The following SUMO3 variants were observed in gnomAD, a reference collection of about 807,000 sequenced individuals.
SUMO3 encodes small ubiquitin-related modifier 3.
SUMO3 carries 2 observed loss-of-function variants against 11.1 expected under a neutral mutation model. That is an observed-to-expected ratio of 0.18 (90% confidence interval 0.07 to 0.57). SUMO3 has a LOEUF of 0.57. SUMO3 is among the 20% of genes least tolerant of loss of function. The probability of loss-of-function intolerance (pLI) is 0.92; values close to 1 mark genes in which losing one functional copy is unlikely to be tolerated. For synonymous variants in SUMO3, 56 were observed against 53.5 expected (o/e 1.05, Z -0.20); for missense variants, 70 against 132.8 (o/e 0.53, Z 2.32).
At chr21:44,808,089 G>A (rs1402610550) in intron 3 of SUMO3, among the ~76,000 whole-genome samples, 4 of 152,118 alleles carry the variant, frequency 2.6e-5, no homozygotes, top group Non-Finnish European at 5.9e-5. Flanking sequence ...CATTGAAAGG[G>A]AGAAAAAGCA....
chr21:44,806,584 G>A lies in SUMO3; in HGVS notation c.*367C>T, dbSNP rs997020810. On this transcript the variant is annotated 3_prime_UTR_variant, in exon 4 of 4. Transcript: ENST00000332859. ...TCTCTATGTGACTGGAGTGAGCAGG[G>A]GAGAGGCAACCAACTCAGGAGTCAG... 1 of 278,842 alleles carries A rather than the reference G, an allele frequency of 3.6e-6. No individual in the cohort carries two copies. The highest frequency in any genetic ancestry group is 1.1e-4 in the East Asian group (1 of 9,260). The allele number at this position is 278,842 out of a possible 1,614,324, so 17.3% of individuals were successfully genotyped here.
rs1269106729 is a variant in SUMO3, at chr21:44,811,848, T to G, written c.150+2128A>C. Reference sequence around the variant, plus strand: ...ACAGAGTCTGGAGAAGGATACAAATTATCAGAGAACTAACATAAGGCATAT... The same window carrying G: ...ACAGAGTCTGGAGAAGGATACAAATGATCAGAGAACTAACATAAGGCATAT... On this transcript the variant is annotated intron_variant, in intron 2 of 3. Transcript: ENST00000332859. The surrounding 1 kb of genome is among the most constrained non-coding windows in gnomAD (Gnocchi z 5.0). Among the ~76,000 whole-genome samples the G allele has an allele frequency of 5.3e-5, 8 of 151,998 alleles. No individual in the cohort carries two copies. The highest frequency in any genetic ancestry group is 1.7e-4 in the African/African-American group (7 of 41,366).
chr21:44,807,117 C>T lies in SUMO3; in HGVS notation c.223-77G>A. ...TTTCATCAGAGAGTGGGAAGATCCT[C>T]ACTGGCATGAGTGTTCCCTGACACT... On this transcript the variant is annotated intron_variant, in intron 3 of 3. Coordinates refer to ENST00000332859, the MANE Select transcript of SUMO3 (RefSeq NM_006936.3). The surrounding 1 kb of genome is among the most constrained non-coding windows in gnomAD (Gnocchi z 4.3). 2 of 1,557,112 alleles carry T rather than the reference C, an allele frequency of 1.3e-6. No individual in the cohort carries two copies. Among genetic ancestry groups the T allele is most frequent in the South Asian group, 1.2e-5 (1 of 85,822 alleles).
At chr21:44,814,185 G>T in intron 1 of SUMO3, 81 bp from the exon 2 acceptor site, 15 of 1,561,164 alleles carry the variant, frequency 9.6e-6, no homozygotes, top group African/African-American at 1.4e-5. Flanking sequence ...TTAGGTAATT[G>T]TTGGCTTTTT....
intron 1 of SUMO3, among the ~76,000 whole-genome samples, chr21:44,816,911 G>C (rs114523049): frequency 1.5e-4 from 20 of 131,336 alleles, no homozygotes; most frequent in Middle Eastern, 4.7e-3. Context: ...GATGGGGAGG[G>C]GTGGGCGCAC....
At chr21:44,815,720 G>A (rs1396202749) in intron 1 of SUMO3, among the ~76,000 whole-genome samples, 1 of 151,864 alleles carries the variant, frequency 6.6e-6, no homozygotes, top group Non-Finnish European at 1.5e-5. Flanking sequence ...GGTAATGGCT[G>A]CAGCCCCGGG....
Position 44,807,858 on chromosome 21 carries a change from G to A in SUMO3, c.223-818C>T, listed in dbSNP as rs369793646. On this transcript the variant is annotated intron_variant, in intron 3 of 3. Transcript: ENST00000332859. The surrounding 1 kb of genome is among the most constrained non-coding windows in gnomAD (Gnocchi z 4.3). ...CCCAGTCAAGCCCCAGAGACTCCAC[G>A]AGGCCCTCCCTGCTCAGCTGCTCTC... is the stretch of plus-strand genomic sequence containing the variant. Among the ~76,000 whole-genome samples, 1 of 152,128 alleles carries A rather than the reference G, an allele frequency of 6.6e-6. No homozygotes were observed. Among genetic ancestry groups the A allele is most frequent in the Non-Finnish European group, 1.5e-5 (1 of 68,014 alleles).
chr21:44,817,791 C>T (rs1322695157), intron 1 of SUMO3, among the ~76,000 whole-genome samples, 157 bp downstream of exon 1: 1 of 19,930 alleles, frequency 5.0e-5, no homozygotes, highest in Non-Finnish European at 1.0e-4. Context: ...GGGGGCGCAC[C>T]TTGGGCGGGC....
At position 44,806,796 on chromosome 21, in the gene SUMO3, T is replaced by C. The variant is rs1569306708; in HGVS notation, c.*155A>G. 1.7e-5 allele frequency: 24 copies of C among 1,431,800 alleles called. No individual in the cohort carries two copies. The highest frequency in any genetic ancestry group is 3.0e-5 in the South Asian group (2 of 66,440). The allele number at this position is 1,431,800 out of a possible 1,614,324, so 88.7% of individuals were successfully genotyped here. ...AGTTACAGATTCATCCCTGCAGATA[T>C]AGTTTTGAGTTGCACTTGAAGTACA... On this transcript the variant is annotated 3_prime_UTR_variant, in exon 4 of 4. Coordinates refer to ENST00000332859, the MANE Select transcript of SUMO3 (RefSeq NM_006936.3).
chr21:44,806,889 G>C lies in SUMO3; in HGVS notation c.*62C>G. On this transcript the variant is annotated 3_prime_UTR_variant, in exon 4 of 4. Transcript: ENST00000332859. ...CGCAGACACCTTTGTGGTCGGCATG[G>C]TCACGTGCTCACCATTCAACAGCAA... The C allele has an allele frequency of 6.2e-7, 1 of 1,604,842 alleles. No individual in the cohort carries two copies. The highest frequency in any genetic ancestry group is 2.2e-5 in the East Asian group (1 of 44,656).
rs962762736 is a variant in SUMO3, at chr21:44,815,332, G to C, written c.22-1228C>G. ...GCATGGTGCTCTGTCAAGGGAGCTA[G>C]AGTGGCCTGCAAGGGGCCTTGGCAG... is the stretch of plus-strand genomic sequence containing the variant. On this transcript the variant is annotated intron_variant, in intron 1 of 3. Transcript: ENST00000332859. Among the ~76,000 whole-genome samples, 54 of 152,178 alleles carry C rather than the reference G, an allele frequency of 3.5e-4. 1 individual carries two copies. The highest frequency in any genetic ancestry group is 3.5e-3 in the Admixed American group (53 of 15,292).
Position 44,811,424 on chromosome 21 carries a change from G to A in SUMO3, c.151-2306C>T, listed in dbSNP as rs1311453468. Among the ~76,000 whole-genome samples, 1 of 151,980 alleles carries A rather than the reference G, an allele frequency of 6.6e-6. No homozygotes were observed. Among genetic ancestry groups the A allele is most frequent in the Non-Finnish European group, 1.5e-5 (1 of 67,980 alleles). ...CCCCATCTCCACAAAATAAAAAAAT[G>A]AGCCAGGCGTGGTGGCGTGTACCTG... On this transcript the variant is annotated intron_variant, in intron 2 of 3. Transcript: ENST00000332859. This position sits in a 1 kb window ranked among gnomAD's most constrained non-coding sequence, Gnocchi z 5.0.
intron 2 of SUMO3, among the ~76,000 whole-genome samples, chr21:44,813,176 A>C (rs1393149814): frequency 6.6e-6 from 1 of 152,246 alleles, no homozygotes; most frequent in Non-Finnish European, 1.5e-5. Flanking sequence ...TAAAAGGGCA[A>C]CGAGTTGCTG....
intron 1 of SUMO3, among the ~76,000 whole-genome samples, chr21:44,815,321 C>A (rs1476298215): frequency 6.6e-6 from 1 of 152,134 alleles, no homozygotes; most frequent in African/African-American, 2.4e-5. Flanking sequence ...GGTGCTCTGT[C>A]AAGGGAGCTA....
At chr21:44,813,656 G>A (rs1276291447) in intron 2 of SUMO3, 1 of 706,102 alleles carries the variant, frequency 1.4e-6, no homozygotes, top group African/African-American at 1.8e-5. Flanking sequence ...GGGCCCCCAA[G>A]AGCCTTCAGC....
chr21:44,808,281 G>T (rs1385606370), intron 3 of SUMO3: 6 of 302,572 alleles, frequency 2.0e-5, no homozygotes, highest in Non-Finnish European at 3.6e-5. Flanking sequence ...GGGGGGCTGA[G>T]GTGGGCAGAT....
intron 1 of SUMO3, among the ~76,000 whole-genome samples, chr21:44,817,248 G>A (rs1488955405): frequency 6.7e-6 from 1 of 149,354 alleles, no homozygotes; most frequent in Non-Finnish European, 1.5e-5. Flanking sequence ...TGGAGGCGGT[G>A]GGTGCACACG....
In SUMO3 at chr21:44,817,949, T is replaced by C; in HGVS notation, c.20A>G (p.Lys7Arg). ...TGCAGGCGGGGTCGCCGCGCTTACC[T>C]TGGGCTTCTCCTCGGACATGGCTGC... Reference protein sequence around the residue: MSEEKPKEGVKTENDHI... With the variant: MSEEKPREGVKTENDHI... Residue 7 changes from lysine (K) to arginine (R), a missense_variant and splice_region_variant, in exon 1 of 4, where the codon AAG becomes AGG. Lys to Arg is a conservative substitution (Grantham distance 26). Transcript: ENST00000332859. The C allele has an allele frequency of 2.8e-6, 3 of 1,058,310 alleles. No homozygotes were observed. The highest frequency in any genetic ancestry group is 3.3e-6 in the Non-Finnish European group (3 of 897,632). 65.6% of individuals were successfully genotyped at this position (1,058,310 alleles called of 1,614,324 possible). A position where few individuals can be genotyped will look rare whatever the true frequency, so the allele number is the denominator to read the frequency against.
chr21:44,813,597 G>A (rs1422313320), intron 2 of SUMO3: 5 of 280,392 alleles, frequency 1.8e-5, no homozygotes, highest in South Asian at 7.1e-5. Flanking sequence ...GGGTGACAGC[G>A]GCGTGGGGCA....
Sources: gnomAD v4.1 joint callset for allele counts (sites outside exome capture counted in the v4.1 genomes callset) on GRCh38, gnomAD v4.1.1 for gene constraint, Gnocchi (gnomAD v3.1) non-coding constraint, MANE v1.5 for transcripts, NCBI Gene and HGNC (gene_info 2026-07-23, HGNC 2026-07-21) for gene names.